Variants in SH3RF3 observed in about 807,000 individuals in gnomAD.
SH3RF3 encodes E3 ubiquitin-protein ligase SH3RF3.
A neutral mutation model predicts 66.3 loss-of-function variants in SH3RF3; 29 were observed. That is an observed-to-expected ratio of 0.44 (90% CI 0.33 to 0.60). The LOEUF (loss-of-function observed/expected upper bound fraction) is 0.60. Ranked by LOEUF, SH3RF3 falls within the 20% of genes least tolerant of loss-of-function variation. The pLI is 0.04. For missense variants in SH3RF3, 1,194 were observed against 1,190.9 expected (o/e 1.00, Z -0.04); for synonymous variants, 583 against 532.0 (o/e 1.10, Z -1.32).
chr2:109,358,382 A>T (rs1682993607), intron 2 of SH3RF3, among the ~76,000 whole-genome samples: 2 of 152,244 alleles, frequency 1.3e-5, no homozygotes. Flanking sequence ...TTTTGTGTGG[A>T]CATAAGCTTT....
intron 1 of SH3RF3, among the ~76,000 whole-genome samples, chr2:109,196,427 C>T (rs1678501011): frequency 6.6e-6 from 1 of 152,200 alleles, no homozygotes. Flanking sequence ...TGTGGCATGG[C>T]TTCCACAGCC....
At chr2:109,498,856 G>A (rs1679319658) in intron 9 of SH3RF3, among the ~76,000 whole-genome samples, 1 of 152,210 alleles carries the variant, frequency 6.6e-6, no homozygotes, top group African/African-American at 2.4e-5. Flanking sequence ...GCCCGGCGTG[G>A]CCACACAGGG....
intron 4 of SH3RF3, among the ~76,000 whole-genome samples, chr2:109,399,993 G>A (rs2104444933): frequency 6.6e-6 from 1 of 152,298 alleles, no homozygotes; most frequent in East Asian, 1.9e-4. Flanking sequence ...GAGTCCCTCT[G>A]GCTGCCCTGG....
At chr2:109,416,276 T>C (rs939469818) in intron 4 of SH3RF3, among the ~76,000 whole-genome samples, 1 of 152,004 alleles carries the variant, frequency 6.6e-6, no homozygotes, top group African/African-American at 2.4e-5. Context: ...CACGCTGAAC[T>C]TCCTAGGGCT....
chr2:109,212,415 A>G (rs898585596), intron 1 of SH3RF3, among the ~76,000 whole-genome samples: 7 of 152,270 alleles, frequency 4.6e-5, no homozygotes, highest in South Asian at 2.1e-4. Context: ...TATTTCATTT[A>G]GAATCCTGAC....
chr2:109,474,948 CTTTTG>C (rs1678641431), intron 8 of SH3RF3, among the ~76,000 whole-genome samples: 1 of 152,066 alleles, frequency 6.6e-6, no homozygotes, highest in Non-Finnish European at 1.5e-5. Flanking sequence ...TGTTTTTTGT[CTTTTG>C]TTTTGTTTGG....
chr2:109,417,487 C>T (rs1676756999), intron 4 of SH3RF3, among the ~76,000 whole-genome samples: 2 of 152,232 alleles, frequency 1.3e-5, no homozygotes, highest in Non-Finnish European at 2.9e-5. Context: ...ACACGGTGCT[C>T]AGCCTTTCCT....
chr2:109,420,461 T>TG (rs1676843430), intron 5 of SH3RF3, among the ~76,000 whole-genome samples: 3 of 152,194 alleles, frequency 2.0e-5, no homozygotes, highest in Admixed American at 6.5e-5. Flanking sequence ...TGTTTTGTTT[T>TG]TTGAGATGGA....
At chr2:109,495,477 CTTTTTTTTTTTT>C (rs569509984) in intron 9 of SH3RF3, among the ~76,000 whole-genome samples, 4,440 of 94,028 alleles carry the variant, frequency 0.047, 73 homozygotes, top group Non-Finnish European at 0.069. Context: ...TCTTTCATTC[CTTTTTTTTTTTT>C]TTTTTTTTTT....
intron 8 of SH3RF3, among the ~76,000 whole-genome samples, chr2:109,453,671 C>T (rs942987933): frequency 3.9e-5 from 6 of 152,154 alleles, no homozygotes; most frequent in African/African-American, 7.2e-5. Flanking sequence ...CGCAGGCACA[C>T]GGTTCATAAT....
intron 1 of SH3RF3, among the ~76,000 whole-genome samples, chr2:109,227,753 G>A (rs979532301): frequency 3.3e-5 from 5 of 152,332 alleles, no homozygotes; most frequent in East Asian, 3.9e-4. Context: ...CGGGTCCAAC[G>A]CAAGTTCTTT....
chr2:109,200,519 C>T (rs1241388637), intron 1 of SH3RF3, among the ~76,000 whole-genome samples: 1 of 152,168 alleles, frequency 6.6e-6, no homozygotes, highest in Non-Finnish European at 1.5e-5. Context: ...AAGCCTCCGA[C>T]TCTGCCCTGT....
intron 1 of SH3RF3, among the ~76,000 whole-genome samples, chr2:109,242,651 A>C (rs757534248): frequency 3.3e-5 from 5 of 152,190 alleles, no homozygotes; most frequent in African/African-American, 4.8e-5. Context: ...TGAAAACTCC[A>C]GTAAAATTAA....
chr2:109,225,288 ATAG>A (rs1462857338), intron 1 of SH3RF3, among the ~76,000 whole-genome samples: 1 of 152,252 alleles, frequency 6.6e-6, no homozygotes, highest in Non-Finnish European at 1.5e-5. Context: ...ATCCGGCTGA[ATAG>A]TCCTCAAACC....
Position 109,436,968 on chromosome 2 carries a change from A to T in SH3RF3, c.1650A>T (p.Thr550=). 1 of 1,613,874 alleles carries T rather than the reference A, an allele frequency of 6.2e-7. No individual in the cohort carries two copies. Among genetic ancestry groups the T allele is most frequent in the Non-Finnish European group, 8.5e-7 (1 of 1,179,896 alleles). ...GGSPLAKGIT[T]TMHPGSGSLS... ...CTCCACTGGCCAAAGGGATAACCACAACCATGCACCCAGGCAGTGGGAGTC... is the reference window on the plus strand; with the variant it reads ...CTCCACTGGCCAAAGGGATAACCACTACCATGCACCCAGGCAGTGGGAGTC... The change falls in exon 7 of 10, where the codon ACA becomes ACT. Residue 550 remains threonine, a synonymous_variant. Transcript: ENST00000309415.
At chr2:109,340,422 C>G (rs1387681250) in intron 1 of SH3RF3, among the ~76,000 whole-genome samples, 1 of 152,136 alleles carries the variant, frequency 6.6e-6, no homozygotes, top group Non-Finnish European at 1.5e-5. Context: ...ATACCTCAAC[C>G]CTGAGGGTGA....
rs780071352 is a variant in SH3RF3 at position 109,449,255 on chromosome 2, T to G, written c.1914T>G (p.Pro638=). 5 of 1,612,618 alleles carry G rather than the reference T, an allele frequency of 3.1e-6. No homozygotes were observed. Among genetic ancestry groups the G allele is most frequent in the Admixed American group, 1.7e-5 (1 of 59,852 alleles). The part of the protein sequence containing the change: ...LRTQNSPSRL[P]ATSLRPHSVV... ...CCCAGAACTCTCCATCCCGCCTGCC[T>G]GCCACCAGCCTCAGGCCCCACTCGG... Residue 638 remains proline (P), a synonymous_variant, in exon 8 of 10, where the codon CCT becomes CCG. Transcript: ENST00000309415.
At chr2:109,278,617 A>G (rs1680814849) in intron 1 of SH3RF3, among the ~76,000 whole-genome samples, 1 of 152,194 alleles carries the variant, frequency 6.6e-6, no homozygotes. Context: ...TGCTATTCAC[A>G]GTCACTTGTG....
Position 109,129,431 on chromosome 2 carries a change from A to G in SH3RF3, c.-110A>G. ...TCGGGCCACCAGCCGGGGTGAAGAA[A>G]GTCACGGCGGAGCCCGGCTCCCCAG... is the stretch of plus-strand genomic sequence containing the variant. On this transcript the variant is annotated 5_prime_UTR_variant, in exon 1 of 10. Coordinates refer to ENST00000309415, the MANE Select transcript of SH3RF3 (RefSeq NM_001099289.3). 1 of 1,481,596 alleles carries G rather than the reference A, an allele frequency of 6.7e-7. No homozygotes were observed. The highest frequency in any genetic ancestry group is 1.5e-5 in the African/African-American group (1 of 68,782). 91.8% of individuals were successfully genotyped at this position (1,481,596 alleles called of 1,614,324 possible).
Sources: allele counts gnomAD v4.1 joint callset (sites outside exome capture counted in the v4.1 genomes callset), GRCh38; gene constraint gnomAD v4.1.1; transcripts MANE v1.5; gene names NCBI Gene and HGNC (gene_info 2026-07-23, HGNC 2026-07-21).